Variants in JSRP1 observed in about 807,000 individuals in gnomAD.
The protein encoded by JSRP1 is junctional sarcoplasmic reticulum protein 1.
A neutral mutation model predicts 21.4 loss-of-function variants in JSRP1; 29 were observed. That is an observed-to-expected ratio of 1.36 (90% confidence interval 1.01 to 1.85). The LOEUF is 1.85. Ranked by LOEUF, JSRP1 falls within the 40% of genes most tolerant of loss-of-function variation. The pLI is 0.00. For synonymous variants in JSRP1, 221 were observed against 206.1 expected (o/e 1.07, Z -0.62); for missense variants, 531 against 461.5 (o/e 1.15, Z -1.38).
At chr19:2,255,874 A>G (rs2079159) in intron 1 of JSRP1, among the ~76,000 whole-genome samples, 28,840 of 152,102 alleles carry the variant, frequency 0.19, 5,537 homozygotes, top group East Asian at 0.55. Flanking sequence ...CTACAGGCTC[A>G]GGCCCCAGCA....
In JSRP1 at chr19:2,253,851, C is replaced by T; in HGVS notation, c.263-58G>A. On this transcript the variant is annotated intron_variant, in intron 4 of 6. Coordinates refer to ENST00000300961, the MANE Select transcript of JSRP1 (RefSeq NM_144616.4). ...ACTGGCTCTGTGCCGCCCCCTTCCC[C>T]GGGCGCAGGGGACAAGAGACAGGCC... 3.0e-6 allele frequency: 4 copies of T among 1,334,820 alleles called. No individual in the cohort carries two copies. In the Middle Eastern group the frequency reaches 8.3e-4, roughly 278 times the overall value. The allele number at this position is 1,334,820 out of a possible 1,614,324, so 82.7% of individuals were successfully genotyped here.
At chr19:2,254,519 C>T (rs1173642795) in intron 2 of JSRP1, 37 bp from the exon 3 acceptor site, 2 of 1,610,682 alleles carry the variant, frequency 1.2e-6, no homozygotes, top group South Asian at 2.2e-5. Flanking sequence ...TTGTGGGGAC[C>T]CCCAGGCCAA....
At position 2,252,662 on chromosome 19, in the gene JSRP1, C is replaced by G; in HGVS notation, c.663G>C (p.Glu221Asp). The G allele has an allele frequency of 6.2e-7, 1 of 1,612,268 alleles. No individual in the cohort carries two copies. The highest frequency in any genetic ancestry group is 1.3e-5 in the African/African-American group (1 of 75,052). ...DEEEPGEATG[E>D]AVREDRVTLA... Reference sequence around the variant, plus strand: ...GGGTCACACGGTCCTCCCGGACGGCCTCTCCGGTGGCCTCGCCGGGCTCCT... The same window carrying G: ...GGGTCACACGGTCCTCCCGGACGGCGTCTCCGGTGGCCTCGCCGGGCTCCT... The change falls in exon 7 of 7, where the codon GAG becomes GAC. Residue 221 changes from glutamate (E) to aspartate (D), a missense_variant. By Grantham distance (45) the Glu-to-Asp change is conservative. Coordinates refer to ENST00000300961, the MANE Select transcript of JSRP1 (RefSeq NM_144616.4).
At position 2,252,677 on chromosome 19, in the gene JSRP1, G is replaced by T. The variant is rs775356580; in HGVS notation, c.648C>A (p.Gly216=). The T allele has an allele frequency of 1.9e-6, 3 of 1,612,038 alleles. No individual in the cohort carries two copies. Among genetic ancestry groups the T allele is most frequent in the South Asian group, 1.1e-5 (1 of 91,072 alleles). The change falls in exon 7 of 7, where the codon GGC becomes GGA. Residue 216 remains glycine (G), a synonymous_variant. Coordinates refer to ENST00000300961, the MANE Select transcript of JSRP1 (RefSeq NM_144616.4). ...CCCGGACGGCCTCTCCGGTGGCCTC[G>T]CCGGGCTCCTCTTCGTCGTTCTCTG... ...EAAENDEEEP[G]EATGEAVRED...
At chr19:2,253,570 C>T in intron 5 of JSRP1, 50 bp downstream of exon 5, 6 of 1,387,354 alleles carry the variant, frequency 4.3e-6, no homozygotes, top group Non-Finnish European at 5.6e-6. Context: ...GAGGAATAGG[C>T]GCACAGGTGG....
chr19:2,255,832 G>A lies in JSRP1; in HGVS notation c.-30-488C>T, dbSNP rs575815517. ...GGGCCACCCTGACTTGCCATTCTGG[G>A]CACCCACATCCTGCTGCGTGACCCT... is the stretch of plus-strand genomic sequence containing the variant. On this transcript the variant is annotated intron_variant, in intron 1 of 6. Transcript: ENST00000300961. Among the ~76,000 whole-genome samples the A allele has an allele frequency of 6.6e-5, 10 of 152,264 alleles. No individual in the cohort carries two copies. In the South Asian group the frequency reaches 2.1e-3, roughly 32 times the overall value.
At chr19:2,254,883 C>T (rs530810720) in intron 2 of JSRP1, among the ~76,000 whole-genome samples, 1 of 151,858 alleles carries the variant, frequency 6.6e-6, no homozygotes, top group Non-Finnish European at 1.5e-5. Context: ...CAGAATGAGG[C>T]TCTGTCTCAA....
intron 1 of JSRP1, among the ~76,000 whole-genome samples, chr19:2,256,087 G>A (rs1384608420): frequency 2.0e-5 from 3 of 152,198 alleles, no homozygotes; most frequent in Admixed American, 6.5e-5. Flanking sequence ...ACCCAAAGCT[G>A]TACTCTTCAG....
rs142536279 is a variant in JSRP1, at chr19:2,252,508, G to A, written c.817C>T (p.Pro273Ser). 12 of 1,612,230 alleles carry A rather than the reference G, an allele frequency of 7.4e-6. No homozygotes were observed. Among genetic ancestry groups the A allele is most frequent in the Non-Finnish European group, 3.4e-6 (4 of 1,179,772 alleles). ...CAGCGCTGGGGTAGGGCTTCCCGGG[G>A]CTCCCTGGCGGCCCGTGGCCTCTCC... is the stretch of plus-strand genomic sequence containing the variant. ...KEERPRAARE[P>S]REALPQRWES... Residue 273 changes from proline to serine, a missense_variant, in exon 7 of 7, where the codon CCC (proline) becomes TCC (serine). Transcript: ENST00000300961.
intron 5 of JSRP1, 110 bp from the exon 6 acceptor site, chr19:2,253,113 C>A (rs918074632): frequency 1.1e-5 from 8 of 756,870 alleles, no homozygotes; most frequent in South Asian, 3.5e-5. Flanking sequence ...GAGTGGGGCT[C>A]CCCCGGTACG....
In JSRP1 at chr19:2,252,659, G is replaced by C. The variant is rs749038576; in HGVS notation, c.666C>G (p.Ala222=). The change falls in exon 7 of 7, where the codon GCC becomes GCG. Residue 222 remains alanine (A), a synonymous_variant. Transcript: ENST00000300961. The part of the protein sequence containing the change: ...EEEPGEATGE[A]VREDRVTLAD... ...CGAGGGTCACACGGTCCTCCCGGAC[G>C]GCCTCTCCGGTGGCCTCGCCGGGCT... 6.2e-7 allele frequency: 1 copy of C among 1,612,214 alleles called. No individual in the cohort carries two copies. The highest frequency in any genetic ancestry group is 2.2e-5 in the East Asian group (1 of 44,862).
rs1027232992 is a variant in JSRP1, at chr19:2,252,344, G to T, written c.981C>A (p.Gly327=). ...RPGSRQKLRA[G]KGRD ...CGGGGCCGGCTCAGTCCCGCCCCTT[G>T]CCTGCGCGGAGCTTCTGGCGACTCC... Residue 327 remains glycine (G), a synonymous_variant, in exon 7 of 7, where the codon GGC becomes GGA. Coordinates refer to ENST00000300961, the MANE Select transcript of JSRP1 (RefSeq NM_144616.4). 1.8e-5 allele frequency: 27 copies of T among 1,522,594 alleles called. No homozygotes were observed. Among genetic ancestry groups the T allele is most frequent in the Non-Finnish European group, 2.2e-5 (25 of 1,139,084 alleles). 94.3% of individuals were successfully genotyped at this position (1,522,594 alleles called of 1,614,324 possible).
chr19:2,253,718 A>G lies in JSRP1; in HGVS notation c.338T>C (p.Leu113Pro). 3 of 1,497,128 alleles carry G rather than the reference A, an allele frequency of 2.0e-6. No homozygotes were observed. The highest frequency in any genetic ancestry group is 2.7e-6 in the Non-Finnish European group (3 of 1,131,052). The allele number at this position is 1,497,128 out of a possible 1,614,324, so 92.7% of individuals were successfully genotyped here. The change falls in exon 5 of 7, where the codon CTG becomes CCG. Residue 113 changes from leucine to proline, a missense_variant. Physicochemically the swap from Leu to Pro is moderately conservative, Grantham distance 98 (BLOSUM62 -3). Transcript: ENST00000300961. ...PLQPPPPPPA[L>P]SEELPWGDLS... is the part of the protein sequence containing the mutation. ...GTCTCCCCAGGGCAGCTCCTCGCTC[A>G]GGGCCGGGGGCGGCGGCGGCGGCTG...
At chr19:2,254,611 G>A in intron 2 of JSRP1, 129 bp from the exon 3 acceptor site, 1 of 988,398 alleles carries the variant, frequency 1.0e-6, no homozygotes, top group South Asian at 1.5e-5. Context: ...GTGGAGGCCA[G>A]CACAGTGGTT....
At chr19:2,253,214 G>C (rs748689838) in intron 5 of JSRP1, among the ~76,000 whole-genome samples, 23 of 152,176 alleles carry the variant, frequency 1.5e-4, no homozygotes, top group Non-Finnish European at 1.5e-5. Flanking sequence ...TCTTTCAATT[G>C]GTCATTCTTC....
intron 1 of JSRP1, among the ~76,000 whole-genome samples, chr19:2,255,820 T>C (rs2865074): frequency 0.86 from 130,469 of 152,224 alleles, 56,470 homozygotes; most frequent in African/African-American, 0.97. Context: ...CCACCCTGAC[T>C]TGCCATTCTG....
chr19:2,254,244 CT>C lies in JSRP1; in HGVS notation c.204del (p.Glu69SerfsTer15). ...SVDTRPKKMEKEPAARGTPGT... is the reference protein window; with the variant it reads ...SVDTRPKKMEXEPAARGTPGT... Reference sequence around the variant, plus strand: ...CCTGGGGTCCCCCTGGCGGCAGGCTCTTTTTCCATCTTCTTGGGCCTGGTGT... The same window carrying C: ...CCTGGGGTCCCCCTGGCGGCAGGCTCTTTTCCATCTTCTTGGGCCTGGTGT... On this transcript the variant is annotated frameshift_variant, in exon 4 of 7. Coordinates refer to ENST00000300961, the MANE Select transcript of JSRP1 (RefSeq NM_144616.4). LOFTEE classifies it high-confidence loss of function. 1.2e-6 allele frequency: 2 copies of C among 1,605,790 alleles called. No homozygotes were observed. The highest frequency in any genetic ancestry group is 1.7e-6 in the Non-Finnish European group (2 of 1,176,410).
chr19:2,252,830 C>T, intron 6 of JSRP1, 34 bp from the exon 7 acceptor site: 1 of 1,595,674 alleles, frequency 6.3e-7, no homozygotes, highest in Non-Finnish European at 8.6e-7. Context: ...GGGTAAGCGC[C>T]CACCTTCCCC....
chr19:2,254,529 A>G (rs1297235673), intron 2 of JSRP1, 47 bp from the exon 3 acceptor site: 2 of 1,607,842 alleles, frequency 1.2e-6, no homozygotes, highest in Non-Finnish European at 1.7e-6. Context: ...CCCCAGGCCA[A>G]TCCCACCCTC....
Sources: allele counts gnomAD v4.1 joint callset (sites outside exome capture counted in the v4.1 genomes callset), GRCh38; gene constraint gnomAD v4.1.1; transcripts MANE v1.5; gene names NCBI Gene and HGNC (gene_info 2026-07-23, HGNC 2026-07-21).